Variants in GRAMD1B observed in about 807,000 individuals in gnomAD.
GRAMD1B encodes protein Aster-B.
In GRAMD1B, 37 loss-of-function variants were observed where a neutral mutation model predicts 99.7. That is an observed-to-expected ratio of 0.37 (90% CI 0.29 to 0.49). GRAMD1B has a LOEUF of 0.49. Ranked by LOEUF, GRAMD1B falls within the 20% of genes least tolerant of loss-of-function variation. GRAMD1B has a pLI of 0.98. For missense variants in GRAMD1B, 888 were observed against 1,009.2 expected (o/e 0.88, Z 1.63); for synonymous variants, 427 against 387.6 (o/e 1.10, Z -1.19).
chr11:123,484,455 G>A (rs1302004534), intron 2 of GRAMD1B, among the ~76,000 whole-genome samples: 1 of 152,102 alleles, frequency 6.6e-6, no homozygotes, highest in Non-Finnish European at 1.5e-5. Flanking sequence ...CACAGGAAAT[G>A]TTACAAAGGT....
At position 123,619,215 on chromosome 11, in the gene GRAMD1B, C is replaced by A. The variant is rs1009719931; in HGVS notation, c.2535C>A (p.Leu845=). The change falls in exon 19 of 20, where the codon CTC becomes CTA. Residue 845 remains leucine (L), a synonymous_variant. Coordinates refer to ENST00000635736, the MANE Select transcript of GRAMD1B (RefSeq NM_001387025.1). ...WREIIKSSVM[L]LDQMKDSLIN... ...AAATCATCAAATCCTCAGTGATGCTCCTTGACCAGGTGAGATGCCCCACCT... is the reference window on the plus strand; with the variant it reads ...AAATCATCAAATCCTCAGTGATGCTACTTGACCAGGTGAGATGCCCCACCT... 2.6e-6 allele frequency: 4 copies of A among 1,558,176 alleles called. No homozygotes were observed. The highest frequency in any genetic ancestry group is 2.7e-5 in the African/African-American group (2 of 73,336).
At chr11:123,525,084 G>T (rs1942573313) in intron 2 of GRAMD1B, among the ~76,000 whole-genome samples, 1 of 152,186 alleles carries the variant, frequency 6.6e-6, no homozygotes, top group African/African-American at 2.4e-5. Flanking sequence ...GCCCAGGATT[G>T]GTGATCATGT....
intron 2 of GRAMD1B, among the ~76,000 whole-genome samples, chr11:123,493,579 G>A (rs1454619389): frequency 6.6e-6 from 1 of 152,190 alleles, no homozygotes; most frequent in Non-Finnish European, 1.5e-5. Flanking sequence ...AGCCCAGAGT[G>A]GCAGTTGTGT....
rs1391926914 is a variant in GRAMD1B at position 123,473,095 on chromosome 11, G to A, written c.375-7721G>A. Among the ~76,000 whole-genome samples the A allele has an allele frequency of 1.1e-4, 16 of 145,766 alleles. 1 individual carries two copies. In the South Asian group the frequency reaches 3.1e-3, roughly 28 times the overall value. ...CTTTTATTTTTTGAGACGAAGTCTC[G>A]CTCTTGTCCCCCAGGCTGGAGAGCA... is the stretch of plus-strand genomic sequence containing the variant. On this transcript the variant is annotated intron_variant, in intron 1 of 19. Coordinates refer to ENST00000635736, the MANE Select transcript of GRAMD1B (RefSeq NM_001387025.1).
chr11:123,605,513 T>A (rs755867756), intron 10 of GRAMD1B, 35 bp downstream of exon 10: 35 of 1,561,630 alleles, frequency 2.2e-5, no homozygotes, highest in Non-Finnish European at 3.0e-5. Context: ...CTACCCCCAG[T>A]CCTGTGGCCA....
chr11:123,390,315 G>A (rs1347818694), intron 1 of GRAMD1B, among the ~76,000 whole-genome samples: 1 of 152,214 alleles, frequency 6.6e-6, no homozygotes. Context: ...TGGGGAAGGA[G>A]CCCCTGTGTC....
intron 7 of GRAMD1B, chr11:123,598,952 T>C: frequency 9.4e-7 from 1 of 1,065,988 alleles, no homozygotes; most frequent in African/African-American, 1.6e-5. Context: ...ATAATTGGTC[T>C]AAGATGGACA....
chr11:123,511,640 G>C (rs1347918049), intron 2 of GRAMD1B, among the ~76,000 whole-genome samples: 1 of 152,124 alleles, frequency 6.6e-6, no homozygotes, highest in Non-Finnish European at 1.5e-5. Context: ...TGGGAGCCTT[G>C]CTTTTTGGCC....
chr11:123,500,190 G>A (rs1394392742), intron 2 of GRAMD1B, among the ~76,000 whole-genome samples: 1 of 152,148 alleles, frequency 6.6e-6, no homozygotes. Context: ...GCGTGGTTGT[G>A]CATGCCTGTA....
chr11:123,521,306 A>AG (rs1355439790), intron 2 of GRAMD1B, among the ~76,000 whole-genome samples: 1 of 152,150 alleles, frequency 6.6e-6, no homozygotes, highest in Admixed American at 6.5e-5. Context: ...TAATGGATTG[A>AG]GCTCCTTTTT....
At chr11:123,407,955 T>C (rs368054697) in intron 1 of GRAMD1B, among the ~76,000 whole-genome samples, 4 of 152,174 alleles carry the variant, frequency 2.6e-5, no homozygotes, top group African/African-American at 9.7e-5. Context: ...TCTAAAGTGA[T>C]GAGGTTTTTT....
At chr11:123,367,541 T>C (rs1236714632) in intron 1 of GRAMD1B, among the ~76,000 whole-genome samples, 1 of 151,778 alleles carries the variant, frequency 6.6e-6, no homozygotes, top group African/African-American at 2.4e-5. Context: ...AAACATGGAG[T>C]TGTGAGGTAC....
intron 17 of GRAMD1B, 153 bp from the exon 18 acceptor site, chr11:123,618,540 C>T: frequency 3.7e-6 from 3 of 814,638 alleles, no homozygotes; most frequent in Non-Finnish European, 6.6e-6. Flanking sequence ...GCTTCTCTCT[C>T]TCTCTCCCTT....
At chr11:123,604,383 G>C (rs12578065) in intron 9 of GRAMD1B, among the ~76,000 whole-genome samples, 1 of 152,186 alleles carries the variant, frequency 6.6e-6, no homozygotes, top group Admixed American at 6.5e-5. Flanking sequence ...CCCTAGGAAG[G>C]TTTCCTATCC....
chr11:123,544,140 TTA>T (rs1448403018), intron 2 of GRAMD1B, among the ~76,000 whole-genome samples: 1 of 152,220 alleles, frequency 6.6e-6, no homozygotes, highest in African/African-American at 2.4e-5. Context: ...GGTCTGGGAA[TTA>T]GGCCTTTTGA....
At chr11:123,479,687 C>CA (rs1284748763) in intron 1 of GRAMD1B, among the ~76,000 whole-genome samples, 1 of 152,004 alleles carries the variant, frequency 6.6e-6, no homozygotes, top group Non-Finnish European at 1.5e-5. Context: ...GCTTTGTGGG[C>CA]CTATGGTGCC....
At chr11:123,595,206 G>A (rs1156664610) in intron 6 of GRAMD1B, among the ~76,000 whole-genome samples, 4 of 152,026 alleles carry the variant, frequency 2.6e-5, no homozygotes, top group East Asian at 1.9e-4. Context: ...ACTAATCAGC[G>A]GTGTGATTTT....
chr11:123,412,328 T>A (rs1302098294), intron 1 of GRAMD1B, among the ~76,000 whole-genome samples: 2 of 152,226 alleles, frequency 1.3e-5, no homozygotes, highest in Non-Finnish European at 2.9e-5. Context: ...ACTAAAGCCA[T>A]TTGTTGTGTG....
intron 2 of GRAMD1B, among the ~76,000 whole-genome samples, chr11:123,508,188 G>A (rs900834005): frequency 3.9e-5 from 6 of 152,144 alleles, no homozygotes; most frequent in African/African-American, 1.2e-4. Flanking sequence ...TGGAGGCTGC[G>A]GAGTCCAAAA....
Sources: allele counts gnomAD v4.1 joint callset (sites outside exome capture counted in the v4.1 genomes callset), GRCh38; gene constraint gnomAD v4.1.1; transcripts MANE v1.5; gene names NCBI Gene and HGNC (gene_info 2026-07-23, HGNC 2026-07-21).